STARD8: variants seen among roughly 807,000 people sequenced by gnomAD.
STARD8 encodes StAR related lipid transfer domain containing 8.
Under a neutral mutation model 69.4 loss-of-function variants are expected in STARD8, and 25 were observed. That is an observed-to-expected ratio of 0.36 (90% CI 0.26 to 0.50). The LOEUF (loss-of-function observed/expected upper bound fraction) is 0.50. Ranked by LOEUF, STARD8 falls within the 20% of genes least tolerant of loss-of-function variation. STARD8 has a pLI of 0.96. For synonymous variants in STARD8, 389 were observed against 374.6 expected (o/e 1.04, Z -0.45); for missense variants, 921 against 932.5 (o/e 0.99, Z 0.16).
intron 2 of STARD8, among the ~76,000 whole-genome samples, chrX:68,689,332 C>T (rs1367608939): frequency 1.3e-4 from 14 of 109,775 alleles, no homozygotes; most frequent in Non-Finnish European, 2.3e-4. Context: ...CAGAAAACCT[C>T]TGGGGACCCT....
intron 1 of STARD8, among the ~76,000 whole-genome samples, chrX:68,653,392 C>T (rs1602536524): frequency 1.7e-5 from 1 of 57,941 alleles, no homozygotes; most frequent in South Asian, 1.1e-3. Context: ...CACACACACA[C>T]CCCACACACA....
chrX:68,650,596 A>C (rs1203996296), intron 1 of STARD8, among the ~76,000 whole-genome samples: 2 of 105,797 alleles, frequency 1.9e-5, no homozygotes, highest in African/African-American at 6.9e-5. Flanking sequence ...GAGTCCAGGA[A>C]ATCAAGACCA....
chrX:68,693,139 G>A (rs566705063), intron 2 of STARD8, among the ~76,000 whole-genome samples: 6 of 112,674 alleles, frequency 5.3e-5, no homozygotes, highest in African/African-American at 1.9e-4. Context: ...CAGACTTGGG[G>A]TAGGGGACAG....
chrX:68,693,999 G>A (rs937876802), intron 2 of STARD8, among the ~76,000 whole-genome samples: 1 of 113,471 alleles, frequency 8.8e-6, no homozygotes, highest in African/African-American at 3.2e-5. Context: ...CCCGCCCCTG[G>A]GATTGGGGGG....
In STARD8 at chrX:68,718,374, C is replaced by T. The variant is rs780471988; in HGVS notation, c.1460C>T (p.Pro487Leu). Residue 487 changes from proline (P) to leucine (L), a missense_variant, in exon 6 of 15, where the codon CCA (proline) becomes CTA (leucine). Physicochemically the swap from Pro to Leu is moderately conservative, Grantham distance 98. Transcript: ENST00000374599. Reference protein sequence around the residue: ...VAQEEAEAPAPAPAPAPAQDS... With the variant: ...VAQEEAEAPALAPAPAPAQDS... The stretch of plus-strand genomic sequence containing the variant: ...CAGGAAGAGGCTGAGGCCCCGGCCC[C>T]AGCCCCGGCCCCGGCCCCAGCCCAG... 3.3e-6 allele frequency: 4 copies of T among 1,205,977 alleles called. No homozygotes were observed. In the Admixed American group the frequency reaches 8.8e-5, roughly 26 times the overall value.
At chrX:68,675,222 C>T (rs750780857) in intron 2 of STARD8, among the ~76,000 whole-genome samples, 7 of 109,869 alleles carry the variant, frequency 6.4e-5, no homozygotes, top group Admixed American at 1.9e-4. Flanking sequence ...CCTCCCAAAG[C>T]GCTGGGATTA....
At chrX:68,651,887 G>C (rs771086661) in intron 1 of STARD8, among the ~76,000 whole-genome samples, 68 of 101,575 alleles carry the variant, frequency 6.7e-4, no homozygotes, top group Non-Finnish European at 9.1e-4. Context: ...ACCGAGTCTC[G>C]CTCTGTTGCC....
intron 1 of STARD8, among the ~76,000 whole-genome samples, chrX:68,648,526 C>G (rs533641845): frequency 9.0e-6 from 1 of 111,260 alleles, no homozygotes; most frequent in South Asian, 3.8e-4. Context: ...TCTGGGAGGC[C>G]GAGGTGGGAG....
chrX:68,689,300 G>GGC (rs1389370103), intron 2 of STARD8, among the ~76,000 whole-genome samples: 1 of 106,444 alleles, frequency 9.4e-6, no homozygotes, highest in Non-Finnish European at 1.9e-5. Flanking sequence ...AGGCGTTAGT[G>GGC]GGGTGCTCCA....
rs150569512 is a variant in STARD8 at position 68,715,909 on chromosome X, C to T, written c.234-459C>T. ...TTAGCATACCACCCAAAGCCCTTTG[C>T]GAGCTGGCTCATTAGCCTTAGCCCC... is the stretch of plus-strand genomic sequence containing the variant. On this transcript the variant is annotated intron_variant, in intron 4 of 14. Transcript: ENST00000374599. Among the ~76,000 whole-genome samples, 7 of 112,630 alleles carry T rather than the reference C, an allele frequency of 6.2e-5. No individual in the cohort carries two copies. In the East Asian group the frequency reaches 1.7e-3, roughly 27 times the overall value.
In STARD8 at chrX:68,724,427, T is replaced by A; in HGVS notation, c.*5T>A. ...GGCCCTGAGACAAAGCTGTGAGCCT[T>A]GGGCTGGTCCCAGGGTGGCACCACC... On this transcript the variant is annotated 3_prime_UTR_variant, in exon 15 of 15. Coordinates refer to ENST00000374599, the MANE Select transcript of STARD8 (RefSeq NM_001142503.3). 8.4e-7 allele frequency: 1 copy of A among 1,195,814 alleles called. No individual in the cohort carries two copies. Among genetic ancestry groups the A allele is most frequent in the Non-Finnish European group, 1.1e-6 (1 of 885,337 alleles).
chrX:68,694,088 G>T (rs1224182656), intron 2 of STARD8, among the ~76,000 whole-genome samples: 1 of 113,157 alleles, frequency 8.8e-6, no homozygotes, highest in Non-Finnish European at 1.9e-5. Context: ...TGGGGCGGTG[G>T]AAGGCAGCTG....
chrX:68,668,226 C>CT (rs1405368680), intron 2 of STARD8, among the ~76,000 whole-genome samples: 1 of 98,010 alleles, frequency 1.0e-5, no homozygotes, highest in Non-Finnish European at 2.1e-5. Context: ...TCTTCTTTCT[C>CT]TTTTTTCTCC....
chrX:68,688,615 A>G (rs760330058), intron 2 of STARD8, among the ~76,000 whole-genome samples: 1,310 of 111,745 alleles, frequency 0.012, 26 homozygotes, highest in African/African-American at 0.041. Flanking sequence ...AGGATCCCAG[A>G]CAAGGAGGTA....
intron 2 of STARD8, among the ~76,000 whole-genome samples, chrX:68,697,727 C>T (rs1329713881): frequency 2.7e-5 from 3 of 112,530 alleles, no homozygotes; most frequent in Non-Finnish European, 5.6e-5. Context: ...TTCCCTTCCG[C>T]CCCAGTAAGG....
At chrX:68,681,574 C>A (rs768155780) in intron 2 of STARD8, among the ~76,000 whole-genome samples, 1 of 112,809 alleles carries the variant, frequency 8.9e-6, no homozygotes, top group Non-Finnish European at 1.9e-5. Flanking sequence ...AAGCAACAAA[C>A]CCCAACTCCC....
At chrX:68,654,291 G>T (rs1451040301) in intron 1 of STARD8, among the ~76,000 whole-genome samples, 1 of 110,969 alleles carries the variant, frequency 9.0e-6, no homozygotes, top group Non-Finnish European at 1.9e-5. Flanking sequence ...AACACAACTT[G>T]TCTCTGGTAA....
chrX:68,651,263 C>T (rs1203308129), intron 1 of STARD8, among the ~76,000 whole-genome samples: 1 of 112,817 alleles, frequency 8.9e-6, no homozygotes, highest in East Asian at 2.8e-4. Context: ...TGAAGGTCCA[C>T]GTGCATGCAC....
At chrX:68,650,440 GA>G in intron 1 of STARD8, among the ~76,000 whole-genome samples, 1 of 83,257 alleles carries the variant, frequency 1.2e-5, no homozygotes, top group Non-Finnish European at 2.3e-5. Context: ...GAAGAAGGAG[GA>G]GGAGGAGGAG....
Sources: allele counts gnomAD v4.1 joint callset (sites outside exome capture counted in the v4.1 genomes callset), GRCh38; gene constraint gnomAD v4.1.1; transcripts MANE v1.5; gene names NCBI Gene and HGNC (gene_info 2026-07-23, HGNC 2026-07-21).